The following THNSL1 variants were observed in gnomAD, a reference collection of about 807,000 sequenced individuals.
THNSL1 encodes threonine synthase-like 1.
In THNSL1, 48 loss-of-function variants were observed where a neutral mutation model predicts 50.4. The observed-to-expected ratio is 0.95, with a 90% CI of 0.76 to 1.21. The LOEUF (loss-of-function observed/expected upper bound fraction) is 1.21. THNSL1 is among the 50% of genes most tolerant of loss of function. The probability of loss-of-function intolerance (pLI) is 0.00; values close to 1 mark genes in which losing one functional copy is unlikely to be tolerated. For missense variants in THNSL1, 896 were observed against 871.7 expected, an observed-to-expected ratio of 1.03 and a Z score of -0.35; for synonymous variants, 309 against 306.1, an observed-to-expected ratio of 1.01 and a Z score of -0.10.
In THNSL1 at chr10:25,024,329, G is replaced by C. The variant is rs769222977; in HGVS notation, c.1106G>C (p.Ser369Thr). The C allele has an allele frequency of 3.7e-6, 6 of 1,614,146 alleles. No homozygotes were observed. The highest frequency in any genetic ancestry group is 5.1e-6 in the Non-Finnish European group (6 of 1,180,024). The change falls in exon 3 of 3, where the codon AGT becomes ACT. Residue 369 changes from serine to threonine, a missense_variant. Physicochemically the swap from Ser to Thr is moderately conservative, Grantham distance 58. Coordinates refer to ENST00000376356, the MANE Select transcript of THNSL1 (RefSeq NM_024838.5). Reference protein sequence around the residue: ...PHIFAHCIPPSCNYMILVATS... With the variant: ...PHIFAHCIPPTCNYMILVATS... The stretch of plus-strand genomic sequence containing the variant: ...ATTTTTGCACACTGTATCCCACCAA[G>C]TTGCAATTATATGATACTTGTAGCT...
chr10:25,007,521 G>A, the THNSL1 span, among the ~76,000 whole-genome samples: 1 of 152,068 alleles, frequency 6.6e-6, no homozygotes, highest in African/African-American at 2.4e-5. Flanking sequence ...TGCAAGCTCC[G>A]CCTCCCGGGT....
At chr10:24,959,664 G>A in the THNSL1 span, among the ~76,000 whole-genome samples, 1 of 151,982 alleles carries the variant, frequency 6.6e-6, no homozygotes, top group African/African-American at 2.4e-5. Context: ...GCAATGTAAT[G>A]CAACGTTTCC....
the THNSL1 span, chr10:24,999,620 A>G: frequency 3.1e-6 from 4 of 1,305,270 alleles, no homozygotes; most frequent in Admixed American, 9.0e-5. Flanking sequence ...TAAAGTTTAA[A>G]TCTTACATTT....
the THNSL1 span, among the ~76,000 whole-genome samples, chr10:24,994,397 G>A: frequency 2.7e-5 from 4 of 148,480 alleles, no homozygotes; most frequent in African/African-American, 7.5e-5. Context: ...GCAGTGACGC[G>A]ACCTTGGCTC....
At chr10:25,019,306 T>G (rs1376831985) in intron 1 of THNSL1, among the ~76,000 whole-genome samples, 1 of 152,146 alleles carries the variant, frequency 6.6e-6, no homozygotes, top group Non-Finnish European at 1.5e-5. Flanking sequence ...AAACCCCCTC[T>G]CTACTAAAAA....
At chr10:24,973,435 A>G in the THNSL1 span, among the ~76,000 whole-genome samples, 2 of 151,996 alleles carry the variant, frequency 1.3e-5, no homozygotes, top group African/African-American at 2.4e-5. Context: ...TCATCACAGT[A>G]CTCAAAACAG....
chr10:25,015,253 A>G (rs1490518579), upstream of THNSL1, among the ~76,000 whole-genome samples: 1 of 152,224 alleles, frequency 6.6e-6, no homozygotes, highest in East Asian at 1.9e-4. Context: ...ACTCAATTAC[A>G]TATTTTTTGG....
chr10:25,006,379 C>T, the THNSL1 span, among the ~76,000 whole-genome samples: 3 of 152,054 alleles, frequency 2.0e-5, no homozygotes, highest in African/African-American at 7.2e-5. Context: ...GGCAGCACAC[C>T]GAGAACATTT....
chr10:24,975,384 A>C, the THNSL1 span, among the ~76,000 whole-genome samples: 58 of 152,264 alleles, frequency 3.8e-4, no homozygotes, highest in African/African-American at 1.3e-3. Flanking sequence ...CTTTGTCTTG[A>C]TTAACTCTAG....
At chr10:24,983,380 G>C in the THNSL1 span, 1 of 152,212 alleles carries the variant, frequency 6.6e-6, no homozygotes, top group Non-Finnish European at 1.5e-5. Flanking sequence ...GCAGAAAAGG[G>C]TTCCTGCTGA....
chr10:24,997,342 C>A, the THNSL1 span, among the ~76,000 whole-genome samples: 2 of 151,722 alleles, frequency 1.3e-5, no homozygotes, highest in African/African-American at 4.8e-5. Context: ...TCTCATTGGA[C>A]CGAGTTTTTA....
At chr10:24,989,039 C>G in the THNSL1 span, among the ~76,000 whole-genome samples, 3 of 152,116 alleles carry the variant, frequency 2.0e-5, no homozygotes, top group African/African-American at 7.2e-5. Flanking sequence ...CTGAGGGCTG[C>G]TTATCTCCTA....
the THNSL1 span, among the ~76,000 whole-genome samples, chr10:25,010,360 C>T: frequency 6.6e-6 from 1 of 152,062 alleles, no homozygotes; most frequent in Non-Finnish European, 1.5e-5. Context: ...AGCGGCAAAA[C>T]ATTCAAGAGG....
the THNSL1 span, among the ~76,000 whole-genome samples, chr10:24,969,325 A>T: frequency 6.6e-6 from 1 of 152,226 alleles, no homozygotes; most frequent in African/African-American, 2.4e-5. Flanking sequence ...AGTGTTACGT[A>T]CTTAAGATAT....
chr10:24,958,859 T>C, the THNSL1 span, among the ~76,000 whole-genome samples: 1,654 of 152,204 alleles, frequency 0.011, 13 homozygotes, highest in Middle Eastern at 0.051. Flanking sequence ...GGAACAGGAA[T>C]TGGATAGCTT....
At position 25,023,427 on chromosome 10, in the gene THNSL1, A is replaced by G. The variant is rs1388807155; in HGVS notation, c.204A>G (p.Lys68=). Residue 68 remains lysine (K), a synonymous_variant, in exon 3 of 3, where the codon AAA becomes AAG. Coordinates refer to ENST00000376356, the MANE Select transcript of THNSL1 (RefSeq NM_024838.5). ...IILMGPPGAG[K]TTVGRIIGQK... ...TGATGGGACCTCCTGGTGCTGGGAAAACAACAGTAGGCAGAATAATAGGTC... is the reference window on the plus strand; with the variant it reads ...TGATGGGACCTCCTGGTGCTGGGAAGACAACAGTAGGCAGAATAATAGGTC... The G allele has an allele frequency of 1.9e-6, 3 of 1,614,180 alleles. No individual in the cohort carries two copies. Among genetic ancestry groups the G allele is most frequent in the Non-Finnish European group, 2.5e-6 (3 of 1,180,004 alleles).
At chr10:25,014,373 T>C (rs953868795), upstream of THNSL1, among the ~76,000 whole-genome samples, 1 of 152,182 alleles carries the variant, frequency 6.6e-6, no homozygotes, top group Non-Finnish European at 1.5e-5. Context: ...ATCTTTCTTC[T>C]ACTCATTTCT....
upstream of THNSL1, among the ~76,000 whole-genome samples, chr10:25,013,445 A>G (rs182274571): frequency 6.6e-6 from 1 of 152,386 alleles, no homozygotes; most frequent in Admixed American, 6.5e-5. Context: ...AAATCCATAC[A>G]GGGTATTTTA....
chr10:24,961,445 C>T, the THNSL1 span, among the ~76,000 whole-genome samples: 13 of 152,028 alleles, frequency 8.6e-5, no homozygotes, highest in Admixed American at 7.9e-4. Flanking sequence ...AGGATAAACT[C>T]TCCAGAAATG....
Sources: allele counts gnomAD v4.1 joint callset (sites outside exome capture counted in the v4.1 genomes callset), GRCh38; gene constraint gnomAD v4.1.1; transcripts MANE v1.5; gene names NCBI Gene and HGNC (gene_info 2026-07-23, HGNC 2026-07-21).